FAXC: variants seen among roughly 807,000 people sequenced by gnomAD.
The protein encoded by FAXC is failed axon connections homolog, metaxin like GST domain containing, also known as failed axon connections homolog.
In FAXC, 10 loss-of-function variants were observed where a neutral mutation model predicts 41.9. The ratio of observed to expected loss-of-function variants is 0.24; its 90% CI spans 0.15 to 0.41. FAXC has a LOEUF of 0.41. FAXC is among the 10% of genes least tolerant of loss of function. The pLI, the probability that FAXC is intolerant of heterozygous loss-of-function variation, is 1.00. For synonymous variants in FAXC, 183 were observed against 183.8 expected (o/e 1.00, Z 0.03); for missense variants, 399 against 510.9 (o/e 0.78, Z 2.11).
At chr6:99,282,088 T>A (rs936071399) in intron 5 of FAXC, among the ~76,000 whole-genome samples, 2 of 152,204 alleles carry the variant, frequency 1.3e-5, no homozygotes, top group African/African-American at 4.8e-5. Flanking sequence ...CCGATGATGA[T>A]GAGAAGTGGC....
intron 5 of FAXC, among the ~76,000 whole-genome samples, chr6:99,289,736 C>G (rs970491725): frequency 6.7e-6 from 1 of 149,064 alleles, no homozygotes; most frequent in African/African-American, 2.5e-5. Context: ...TATATATAGT[C>G]CAAAATGCAC....
chr6:99,322,443 A>C (rs6912685), intron 4 of FAXC, among the ~76,000 whole-genome samples: 57,676 of 152,018 alleles, frequency 0.38, 11,649 homozygotes, highest in Middle Eastern at 0.47. Flanking sequence ...CAACAAAACA[A>C]ATTCTAAACT....
At chr6:99,302,523 G>A (rs1363942985) in intron 4 of FAXC, among the ~76,000 whole-genome samples, 4 of 152,106 alleles carry the variant, frequency 2.6e-5, no homozygotes, top group African/African-American at 9.7e-5. Context: ...GGGCGTGGTG[G>A]CGCATGCCTG....
rs2128445196 is a variant in FAXC, at chr6:99,278,397, A to T, written c.*2767T>A. On this transcript the variant is annotated 3_prime_UTR_variant, in exon 6 of 6. Transcript: ENST00000389677. ...ATGGGTCTGTTGTCCAACCAAAAGC[A>T]TCTGTTAACATTAAAGATCACATAC... is the stretch of plus-strand genomic sequence containing the variant. The T allele has an allele frequency of 6.6e-6, 1 of 152,338 alleles. No homozygotes were observed. The allele number at this position is 152,338 out of a possible 1,614,324, so 9.4% of individuals were successfully genotyped here.
intron 5 of FAXC, among the ~76,000 whole-genome samples, chr6:99,283,204 G>C (rs958742033): frequency 5.3e-5 from 8 of 152,148 alleles, no homozygotes; most frequent in Non-Finnish European, 1.2e-4. Flanking sequence ...GAATTAGTCT[G>C]TATAGACAAA....
chr6:99,338,769 T>C (rs1773309869), intron 2 of FAXC, among the ~76,000 whole-genome samples: 1 of 152,216 alleles, frequency 6.6e-6, no homozygotes, highest in Admixed American at 6.5e-5. Context: ...TATGAGCCAA[T>C]GCATTTAGAT....
intron 1 of FAXC, among the ~76,000 whole-genome samples, chr6:99,347,297 G>A (rs1211082624): frequency 6.6e-6 from 1 of 151,908 alleles, no homozygotes; most frequent in Non-Finnish European, 1.5e-5. Context: ...AGCTACTCAG[G>A]AGGCTGAGCC....
intron 5 of FAXC, among the ~76,000 whole-genome samples, chr6:99,287,774 C>T (rs1771079852): frequency 1.3e-5 from 2 of 152,176 alleles, no homozygotes; most frequent in Admixed American, 6.5e-5. Context: ...GTCTCTACCA[C>T]AGAGACAGCA....
intron 4 of FAXC, among the ~76,000 whole-genome samples, chr6:99,299,641 C>T (rs986906233): frequency 4.6e-5 from 7 of 152,098 alleles, no homozygotes; most frequent in Non-Finnish European, 7.4e-5. Context: ...CAGGAGGTCA[C>T]GGTAATCTCA....
intron 2 of FAXC, among the ~76,000 whole-genome samples, chr6:99,336,435 A>G (rs938876062): frequency 5.9e-5 from 9 of 152,158 alleles, no homozygotes; most frequent in African/African-American, 2.2e-4. Flanking sequence ...CTTTAAATCT[A>G]TTGAAGAACT....
At chr6:99,306,838 G>A (rs1374706731) in intron 4 of FAXC, among the ~76,000 whole-genome samples, 1 of 152,198 alleles carries the variant, frequency 6.6e-6, no homozygotes, top group Non-Finnish European at 1.5e-5. Context: ...TACCTGAAAA[G>A]CTCTCAGAAT....
At chr6:99,337,642 T>C (rs1773261461) in intron 2 of FAXC, among the ~76,000 whole-genome samples, 1 of 152,182 alleles carries the variant, frequency 6.6e-6, no homozygotes, top group Non-Finnish European at 1.5e-5. Flanking sequence ...TTTTAAAAAA[T>C]TAACCACATC....
intron 4 of FAXC, among the ~76,000 whole-genome samples, chr6:99,323,013 G>A (rs1010987795): frequency 5.9e-5 from 9 of 152,234 alleles, no homozygotes; most frequent in African/African-American, 2.2e-4. Context: ...AATCAGTGCT[G>A]TCAGCAGGCC....
At chr6:99,282,954 T>G (rs1011737334) in intron 5 of FAXC, among the ~76,000 whole-genome samples, 5 of 152,218 alleles carry the variant, frequency 3.3e-5, no homozygotes, top group African/African-American at 1.2e-4. Context: ...CTTTTTCCTA[T>G]CCTATGTTTT....
At chr6:99,336,445 T>C (rs1363821335) in intron 2 of FAXC, among the ~76,000 whole-genome samples, 1 of 152,164 alleles carries the variant, frequency 6.6e-6, no homozygotes, top group Non-Finnish European at 1.5e-5. Context: ...ATTGAAGAAC[T>C]CCTGGACTAT....
Position 99,284,557 on chromosome 6 carries a change from GTC to G in FAXC, c.941-3106_941-3105del, listed in dbSNP as rs796400697. On this transcript the variant is annotated intron_variant, in intron 5 of 5. Coordinates refer to ENST00000389677, the MANE Select transcript of FAXC (RefSeq NM_032511.4). ...GCAGCAGAAACAGGTTGTGTGGAGT[GTC>G]TGTGTGTGTGTGTGTGTGTGTGTGT... Among the ~76,000 whole-genome samples, 779 of 114,158 alleles carry G rather than the reference GTC, an allele frequency of 6.8e-3. 4 individuals carry two copies. Among genetic ancestry groups the G allele is most frequent in the Middle Eastern group, 0.012 (3 of 256 alleles). The allele number at this position is 114,158 out of a possible 152,430, so 74.9% of individuals were successfully genotyped here. A position where few individuals can be genotyped will look rare whatever the true frequency, so the allele number is the denominator to read the frequency against.
chr6:99,325,377 G>A (rs1327474759), intron 3 of FAXC, among the ~76,000 whole-genome samples: 1 of 152,204 alleles, frequency 6.6e-6, no homozygotes, highest in African/African-American at 2.4e-5. Flanking sequence ...AGCTATAGCT[G>A]TTCTTGGCTA....
intron 5 of FAXC, among the ~76,000 whole-genome samples, chr6:99,283,584 G>A (rs966321024): frequency 3.3e-5 from 5 of 152,148 alleles, no homozygotes; most frequent in Admixed American, 2.6e-4. Context: ...ATGCTCAGGA[G>A]CCAGAAACTG....
chr6:99,315,894 C>A (rs189431485), intron 4 of FAXC, among the ~76,000 whole-genome samples: 3 of 149,294 alleles, frequency 2.0e-5, no homozygotes, highest in African/African-American at 7.3e-5. Context: ...CTTCTTCTCC[C>A]TCTATATGAC....
Sources: gnomAD v4.1 joint callset for allele counts (sites outside exome capture counted in the v4.1 genomes callset) on GRCh38, gnomAD v4.1.1 for gene constraint, MANE v1.5 for transcripts, NCBI Gene and HGNC (gene_info 2026-07-23, HGNC 2026-07-21) for gene names.